GRM5: variants seen among roughly 807,000 people sequenced by gnomAD.
The protein encoded by GRM5 is glutamate metabotropic receptor 5.
Under a neutral mutation model 83.1 loss-of-function variants are expected in GRM5, and 19 were observed. That is an observed-to-expected ratio of 0.23 (90% CI 0.16 to 0.34). The LOEUF is 0.34. Among genes scored for constraint, GRM5 ranks in the 10% least tolerant of loss-of-function variants. The pLI is 1.00. For missense variants in GRM5, 1,160 were observed against 1,588.3 expected (o/e 0.73, Z 4.58); for synonymous variants, 675 against 633.6 (o/e 1.07, Z -0.98).
intron 8 of GRM5, among the ~76,000 whole-genome samples, chr11:88,551,443 T>C (rs1942504574): frequency 6.6e-6 from 1 of 152,162 alleles, no homozygotes; most frequent in African/African-American, 2.4e-5. Flanking sequence ...CTTACTTAGG[T>C]ATAAAATGTT....
intron 2 of GRM5, among the ~76,000 whole-genome samples, chr11:88,862,289 AC>A (rs1391122142): frequency 6.6e-6 from 1 of 152,104 alleles, no homozygotes; most frequent in African/African-American, 2.4e-5. Flanking sequence ...ATTCTAAGAA[AC>A]CTTAGAGAGT....
intron 3 of GRM5, among the ~76,000 whole-genome samples, chr11:88,848,536 G>A (rs1213203007): frequency 1.3e-5 from 2 of 152,092 alleles, no homozygotes; most frequent in African/African-American, 4.8e-5. Context: ...GGATTCTAAG[G>A]TTTTTGCTGT....
At chr11:88,544,412 C>G (rs1046521826) in intron 8 of GRM5, among the ~76,000 whole-genome samples, 14 of 152,216 alleles carry the variant, frequency 9.2e-5, no homozygotes, top group Admixed American at 5.2e-4. Context: ...TTAGACTTTT[C>G]TACTCCTTGT....
intron 3 of GRM5, among the ~76,000 whole-genome samples, chr11:88,665,604 A>G (rs1940023167): frequency 6.6e-6 from 1 of 152,210 alleles, no homozygotes; most frequent in African/African-American, 2.4e-5. Flanking sequence ...TCATTGTACA[A>G]GAAGTGACAC....
chr11:88,975,813 A>G, intron 2 of GRM5, among the ~76,000 whole-genome samples: 1 of 152,234 alleles, frequency 6.6e-6, no homozygotes, highest in East Asian at 1.9e-4. Context: ...TGAGGTAAAA[A>G]ATTAGGCTTT....
At chr11:88,735,068 G>C in intron 3 of GRM5, among the ~76,000 whole-genome samples, 1 of 150,382 alleles carries the variant, frequency 6.6e-6, no homozygotes, top group East Asian at 2.0e-4. Context: ...CCTATCTTAA[G>C]ATCTTAAGCT....
intron 4 of GRM5, among the ~76,000 whole-genome samples, chr11:88,606,078 C>T (rs1166303495): frequency 6.6e-6 from 1 of 151,998 alleles, no homozygotes; most frequent in Non-Finnish European, 1.5e-5. Flanking sequence ...AAGAGTGGTC[C>T]AAGCATTTTT....
intron 7 of GRM5, among the ~76,000 whole-genome samples, chr11:88,584,273 C>T (rs983251677): frequency 1.3e-5 from 2 of 151,570 alleles, no homozygotes; most frequent in Non-Finnish European, 2.9e-5. Flanking sequence ...TTTTGTAACT[C>T]CCATCTAACT....
At chr11:88,844,956 T>C (rs1296039875) in intron 3 of GRM5, among the ~76,000 whole-genome samples, 1 of 152,228 alleles carries the variant, frequency 6.6e-6, no homozygotes, top group Non-Finnish European at 1.5e-5. Flanking sequence ...AGGCGGAATA[T>C]ACTCTGGTGA....
At chr11:88,675,399 G>T (rs779068889) in intron 3 of GRM5, among the ~76,000 whole-genome samples, 2 of 151,918 alleles carry the variant, frequency 1.3e-5, no homozygotes, top group African/African-American at 4.8e-5. Flanking sequence ...GAAAGAGAAA[G>T]ATATGTCGGC....
intron 3 of GRM5, among the ~76,000 whole-genome samples, chr11:88,729,880 C>A (rs1298428992): frequency 2.6e-5 from 4 of 152,120 alleles, no homozygotes; most frequent in Non-Finnish European, 5.9e-5. Context: ...AAAATTAACT[C>A]AAGATGTGTT....
chr11:88,988,817 C>T (rs10831545), intron 2 of GRM5, among the ~76,000 whole-genome samples: 72,548 of 125,528 alleles, frequency 0.58, 22,951 homozygotes, highest in African/African-American at 0.81. Flanking sequence ...TGCTGAGAGA[C>T]TTTGTCACCA....
At chr11:88,688,530 T>A (rs1192156040) in intron 3 of GRM5, among the ~76,000 whole-genome samples, 2 of 152,192 alleles carry the variant, frequency 1.3e-5, no homozygotes, top group African/African-American at 4.8e-5. Flanking sequence ...TAAATTTTAA[T>A]AAGGCCTATT....
intron 2 of GRM5, among the ~76,000 whole-genome samples, chr11:88,870,183 A>G (rs573668601): frequency 6.6e-6 from 1 of 151,418 alleles, no homozygotes; most frequent in Non-Finnish European, 1.5e-5. Context: ...TTGTCATTAG[A>G]TTTTTCTGAA....
intron 8 of GRM5, among the ~76,000 whole-genome samples, chr11:88,557,258 A>G (rs1219963154): frequency 6.6e-6 from 1 of 152,172 alleles, no homozygotes; most frequent in Admixed American, 6.5e-5. Flanking sequence ...TAACAGATAA[A>G]AGTACTTAGC....
intron 2 of GRM5, among the ~76,000 whole-genome samples, chr11:88,905,436 C>T (rs554048077): frequency 2.0e-4 from 31 of 152,214 alleles, no homozygotes; most frequent in South Asian, 1.9e-3. Flanking sequence ...CTCTGCCTCC[C>T]GGGTTCAAGT....
chr11:88,693,863 G>A (rs74449476), intron 3 of GRM5, among the ~76,000 whole-genome samples: 1 of 105,502 alleles, frequency 9.5e-6, no homozygotes, highest in African/African-American at 8.7e-5. Flanking sequence ...TTCCTAATGC[G>A]TGATAGGATC....
intron 3 of GRM5, among the ~76,000 whole-genome samples, chr11:88,789,887 C>T (rs902300278): frequency 6.6e-6 from 1 of 151,982 alleles, no homozygotes; most frequent in African/African-American, 2.4e-5. Context: ...TGGAGTCCCA[C>T]TCTGTTGCCC....
chr11:88,847,212 G>A (rs1944315167), intron 3 of GRM5, among the ~76,000 whole-genome samples: 1 of 152,070 alleles, frequency 6.6e-6, no homozygotes, highest in Non-Finnish European at 1.5e-5. Flanking sequence ...TTAATATTTA[G>A]GTTGTTCTTA....
Sources: allele counts gnomAD v4.1 joint callset (sites outside exome capture counted in the v4.1 genomes callset), GRCh38; gene constraint gnomAD v4.1.1; transcripts MANE v1.5; gene names NCBI Gene and HGNC (gene_info 2026-07-23, HGNC 2026-07-21).